TTC28: variants seen among roughly 807,000 people sequenced by gnomAD.
TTC28 encodes the protein tetratricopeptide repeat domain 28.
TTC28 carries 61 observed loss-of-function variants against 198.0 expected under a neutral mutation model. The observed-to-expected ratio is 0.31, with a 90% CI of 0.25 to 0.38. TTC28 has a LOEUF of 0.38. Among genes scored for constraint, TTC28 ranks in the 10% least tolerant of loss-of-function variants. The pLI, the probability that TTC28 is intolerant of heterozygous loss-of-function variation, is 1.00. For synonymous variants in TTC28, 1,171 were observed against 1,297.8 expected (o/e 0.90, Z 2.10); for missense variants, 2,678 against 3,164.0 (o/e 0.85, Z 3.69).
At position 28,005,338 on chromosome 22, in the gene TTC28, GT is replaced by G. The variant is rs1486451564; in HGVS notation, c.4219-3786del. On this transcript the variant is annotated intron_variant, in intron 14 of 22. Transcript: ENST00000397906. This position sits in a 1 kb window ranked among gnomAD's most constrained non-coding sequence, Gnocchi z 4.9. ...CGGTGATGACAGGGGTTCCGTGAAG[GT>G]GCAGTCTTTGTACAAGGAGAGGGTT... Among the ~76,000 whole-genome samples the G allele has an allele frequency of 6.6e-6, 1 of 152,220 alleles. No homozygotes were observed. The highest frequency in any genetic ancestry group is 2.4e-5 in the African/African-American group (1 of 41,460).
At chr22:28,391,607 G>A (rs980495542) in intron 2 of TTC28, among the ~76,000 whole-genome samples, 3 of 152,042 alleles carry the variant, frequency 2.0e-5, no homozygotes, top group African/African-American at 4.8e-5. Context: ...TTCCATCGCT[G>A]ATACCCTTTC....
chr22:28,330,408 C>T (rs368768718), intron 2 of TTC28, among the ~76,000 whole-genome samples: 1 of 152,238 alleles, frequency 6.6e-6, no homozygotes, highest in African/African-American at 2.4e-5. Flanking sequence ...GATTTATGGT[C>T]GTCTTTGACT....
intron 2 of TTC28, among the ~76,000 whole-genome samples, chr22:28,325,249 T>C (rs1443948731): frequency 6.6e-6 from 1 of 152,234 alleles, no homozygotes; most frequent in African/African-American, 2.4e-5. Context: ...CTAAATTTTC[T>C]AGTTTATTTG....
intron 2 of TTC28, among the ~76,000 whole-genome samples, chr22:28,545,738 CA>C (rs202225311): frequency 0.019 from 2,954 of 151,982 alleles, 29 homozygotes; most frequent in Non-Finnish European, 0.026. Flanking sequence ...CAATGTTATC[CA>C]AAAACATGAA....
At chr22:28,283,002 C>A (rs1285212852) in intron 5 of TTC28, among the ~76,000 whole-genome samples, 1 of 151,896 alleles carries the variant, frequency 6.6e-6, no homozygotes, top group African/African-American at 2.4e-5. Context: ...CACTACAGGC[C>A]CAAAAAGTCA....
chr22:28,058,623 A>T (rs1569112316), intron 12 of TTC28, among the ~76,000 whole-genome samples: 1 of 152,112 alleles, frequency 6.6e-6, no homozygotes, highest in Non-Finnish European at 1.5e-5. Context: ...TTAGGGTTAT[A>T]ATACAAGTTT....
chr22:28,307,326 A>C (rs1003943832), intron 2 of TTC28, among the ~76,000 whole-genome samples: 3 of 152,226 alleles, frequency 2.0e-5, no homozygotes, highest in Non-Finnish European at 4.4e-5. Context: ...ACTGCAGAAA[A>C]GACCAGAGAA....
chr22:28,233,909 G>GTTT (rs529892559), intron 5 of TTC28, among the ~76,000 whole-genome samples: 11 of 131,998 alleles, frequency 8.3e-5, no homozygotes, highest in South Asian at 2.5e-4. Flanking sequence ...TAGCAAATTA[G>GTTT]TTTTTTTTTT....
chr22:28,155,174 T>C (rs904145314), intron 6 of TTC28, among the ~76,000 whole-genome samples: 1 of 152,202 alleles, frequency 6.6e-6, no homozygotes, highest in African/African-American at 2.4e-5. Context: ...TTCCATTAAG[T>C]GAAAGAAATA....
At chr22:28,439,277 C>T (rs144909685) in intron 2 of TTC28, among the ~76,000 whole-genome samples, 97 of 152,250 alleles carry the variant, frequency 6.4e-4, no homozygotes, top group Middle Eastern at 3.4e-3. Context: ...AATCCACTTA[C>T]AGAGGCACAG....
chr22:28,464,791 C>A (rs1365381531), intron 2 of TTC28, among the ~76,000 whole-genome samples: 1 of 152,236 alleles, frequency 6.6e-6, no homozygotes, highest in African/African-American at 2.4e-5. Flanking sequence ...ACTTACCCCA[C>A]TGTTAATGCT....
At position 28,168,689 on chromosome 22, in the gene TTC28, T is replaced by C. The variant is rs552468754; in HGVS notation, c.934-5090A>G. On this transcript the variant is annotated intron_variant, in intron 5 of 22. Transcript: ENST00000397906. ...AATTAATTCAAGATGGATTAAAGACTTAAATGTTAGACCTATAACCATAAA... is the reference window on the plus strand; with the variant it reads ...AATTAATTCAAGATGGATTAAAGACCTAAATGTTAGACCTATAACCATAAA... 5.3e-5 allele frequency among the ~76,000 whole-genome samples: 8 copies of C among 152,324 alleles called. No homozygotes were observed. The South Asian group carries it at 1.7e-3, about 32-fold the overall frequency.
chr22:28,456,338 C>T (rs946959994), intron 2 of TTC28, among the ~76,000 whole-genome samples: 8 of 151,928 alleles, frequency 5.3e-5, no homozygotes. Flanking sequence ...TGAGGAGTGA[C>T]TGTTAATGGA....
At chr22:28,310,854 G>A (rs571891829) in intron 2 of TTC28, among the ~76,000 whole-genome samples, 3 of 149,994 alleles carry the variant, frequency 2.0e-5, no homozygotes, top group Non-Finnish European at 3.0e-5. Flanking sequence ...GTCTCAGCTC[G>A]CTGCAACCTC....
intron 2 of TTC28, among the ~76,000 whole-genome samples, chr22:28,398,334 C>T (rs1184697884): frequency 6.6e-6 from 1 of 151,962 alleles, no homozygotes; most frequent in African/African-American, 2.4e-5. Context: ...CATTTCTGTG[C>T]TCAGGAGAGA....
intron 2 of TTC28, among the ~76,000 whole-genome samples, chr22:28,621,742 TA>T (rs771463983): frequency 0.031 from 2,357 of 76,140 alleles, 55 homozygotes; most frequent in African/African-American, 0.11. Context: ...GACTGTCTCT[TA>T]AAAAAAAAAA....
chr22:28,433,482 C>T (rs1428882959), intron 2 of TTC28, among the ~76,000 whole-genome samples: 1 of 152,146 alleles, frequency 6.6e-6, no homozygotes, highest in Admixed American at 6.6e-5. Context: ...TCAAATGCTC[C>T]TTAAGGTTCT....
chr22:28,057,908 G>T (rs1048519279), intron 12 of TTC28, among the ~76,000 whole-genome samples: 1 of 152,026 alleles, frequency 6.6e-6, no homozygotes, highest in African/African-American at 2.4e-5. Flanking sequence ...GACCATATGA[G>T]TGTGGGTCTA....
At chr22:28,339,501 G>A (rs1381973024) in intron 2 of TTC28, among the ~76,000 whole-genome samples, 1 of 152,224 alleles carries the variant, frequency 6.6e-6, no homozygotes, top group African/African-American at 2.4e-5. Context: ...GGAGTCTACA[G>A]AGGCAGGCAG....
Sources: allele counts gnomAD v4.1 joint callset (sites outside exome capture counted in the v4.1 genomes callset), GRCh38; gene constraint gnomAD v4.1.1; non-coding constraint Gnocchi (gnomAD v3.1); transcripts MANE v1.5; gene names NCBI Gene and HGNC (gene_info 2026-07-23, HGNC 2026-07-21).